The following DPYSL2 variants were observed in gnomAD, a reference collection of about 807,000 sequenced individuals.
DPYSL2 encodes dihydropyrimidinase-related protein 2.
In DPYSL2, 13 loss-of-function variants were observed where a neutral mutation model predicts 69.9. The ratio of observed to expected loss-of-function variants is 0.19; its 90% CI spans 0.12 to 0.30. The LOEUF is 0.30. Ranked by LOEUF, DPYSL2 falls within the 10% of genes least tolerant of loss-of-function variation. DPYSL2 has a pLI of 1.00. For missense variants in DPYSL2, 587 were observed against 918.9 expected (o/e 0.64, Z 4.67); for synonymous variants, 326 against 359.1 (o/e 0.91, Z 1.04).
At chr8:26,570,378 G>T (rs1306608895) in intron 1 of DPYSL2, among the ~76,000 whole-genome samples, 3 of 152,092 alleles carry the variant, frequency 2.0e-5, no homozygotes, top group African/African-American at 7.2e-5. Flanking sequence ...AAAGACAGCC[G>T]ATCACCTGTG....
rs1338365740 is a variant in DPYSL2, at chr8:26,657,472, C to T, written c.*1766C>T. On this transcript the variant is annotated 3_prime_UTR_variant, in exon 14 of 14. Coordinates refer to ENST00000521913, the MANE Select transcript of DPYSL2 (RefSeq NM_001197293.3). ...AAAAACATCACAAAGTAGGTCATTC[C>T]ATCACCACCCTTGTCTCTCTACACA... 1.3e-5 allele frequency: 2 copies of T among 152,580 alleles called. No individual in the cohort carries two copies. Among genetic ancestry groups the T allele is most frequent in the Non-Finnish European group, 2.9e-5 (2 of 68,040 alleles). The allele number at this position is 152,580 out of a possible 1,614,324, so 9.5% of individuals were successfully genotyped here.
rs1803322448 is a variant in DPYSL2 at position 26,653,569 on chromosome 8, T to C, written c.1942+172T>C. On this transcript the variant is annotated intron_variant, in intron 13 of 13. Coordinates refer to ENST00000521913, the MANE Select transcript of DPYSL2 (RefSeq NM_001197293.3). The surrounding 1 kb of genome is among the most constrained non-coding windows in gnomAD (Gnocchi z 5.7). ...TCTCTGGAGATGTATTTTCTTTTTCTTTTTTTTGAGGCAGGGTCTCGCTCT... is the reference window on the plus strand; with the variant it reads ...TCTCTGGAGATGTATTTTCTTTTTCCTTTTTTTGAGGCAGGGTCTCGCTCT... Among the ~76,000 whole-genome samples the C allele has an allele frequency of 6.6e-6, 1 of 152,014 alleles. No homozygotes were observed. Among genetic ancestry groups the C allele is most frequent in the African/African-American group, 2.4e-5 (1 of 41,400 alleles).
In DPYSL2 at chr8:26,627,302, G is replaced by A. The variant is rs757217119; in HGVS notation, c.936+7G>A. The A allele has an allele frequency of 1.3e-5, 21 of 1,614,026 alleles. No homozygotes were observed. Among genetic ancestry groups the A allele is most frequent in the Admixed American group, 1.7e-5 (1 of 60,006 alleles). On this transcript the variant is annotated splice_region_variant and intron_variant, in intron 6 of 13. Coordinates refer to ENST00000521913, the MANE Select transcript of DPYSL2 (RefSeq NM_001197293.3). This position sits in a 1 kb window ranked among gnomAD's most constrained non-coding sequence, Gnocchi z 6.9. ...TGGCGACATCATTGCAGAGGTACAG[G>A]GCTTTCTTTTTCGTCATTTCTTCAT... is the stretch of plus-strand genomic sequence containing the variant.
intron 3 of DPYSL2, among the ~76,000 whole-genome samples, chr8:26,618,944 G>A (rs1220421121): frequency 6.6e-6 from 1 of 151,952 alleles, no homozygotes; most frequent in Non-Finnish European, 1.5e-5. Flanking sequence ...GGCAACAAGA[G>A]TGAAACGCCA....
intron 1 of DPYSL2, chr8:26,577,895 A>G: frequency 2.6e-6 from 3 of 1,141,294 alleles, no homozygotes; most frequent in East Asian, 7.2e-5. Flanking sequence ...GAGGAAAGGG[A>G]GTGGCTGGCG....
At chr8:26,589,165 T>C (rs1316517633) in intron 3 of DPYSL2, among the ~76,000 whole-genome samples, 1 of 152,184 alleles carries the variant, frequency 6.6e-6, no homozygotes, top group Non-Finnish European at 1.5e-5. Context: ...AGACTTGCAT[T>C]GTCATCTCAG....
chr8:26,634,504 A>G (rs1360385080), intron 7 of DPYSL2, among the ~76,000 whole-genome samples: 1 of 135,884 alleles, frequency 7.4e-6, no homozygotes, highest in East Asian at 2.1e-4. Context: ...CTGGTCTTGA[A>G]CTCCTGATCT....
intron 1 of DPYSL2, among the ~76,000 whole-genome samples, chr8:26,553,239 T>A (rs1448130075): frequency 6.6e-6 from 1 of 152,200 alleles, no homozygotes; most frequent in Non-Finnish European, 1.5e-5. Flanking sequence ...AACTTTTATT[T>A]TAGGTTCAGG....
intron 1 of DPYSL2, among the ~76,000 whole-genome samples, chr8:26,556,144 G>C (rs900249565): frequency 0.011 from 29 of 2,574 alleles, 1 homozygote; most frequent in Admixed American, 0.015. Flanking sequence ...ACTATATATA[G>C]TATATACTAT....
rs1004793070 is a variant in DPYSL2 at position 26,560,638 on chromosome 8, G to A, written c.355-21331G>A. Among the ~76,000 whole-genome samples, 11 of 152,100 alleles carry A rather than the reference G, an allele frequency of 7.2e-5. No homozygotes were observed. Among genetic ancestry groups the A allele is most frequent in the African/African-American group, 2.7e-4 (11 of 41,418 alleles). On this transcript the variant is annotated intron_variant, in intron 1 of 13. Transcript: ENST00000521913. This position sits in a 1 kb window ranked among gnomAD's most constrained non-coding sequence, Gnocchi z 4.4. ...ATACCCAATATCTCACTTGAACCAG[G>A]TTCATCTCTATGCTTTAATAGAAGC... is the stretch of plus-strand genomic sequence containing the variant.
chr8:26,577,048 C>T, intron 1 of DPYSL2: 3 of 390,684 alleles, frequency 7.7e-6, no homozygotes, highest in South Asian at 3.4e-5. Flanking sequence ...CTAAGTTCCT[C>T]GCGGCCGGAA....
At chr8:26,552,712 G>A (rs143548548) in intron 1 of DPYSL2, among the ~76,000 whole-genome samples, 11 of 152,266 alleles carry the variant, frequency 7.2e-5, no homozygotes, top group South Asian at 2.1e-4. Flanking sequence ...TAACAGACCC[G>A]CTCTTGTGAT....
At chr8:26,607,120 G>A (rs1802123730) in intron 3 of DPYSL2, among the ~76,000 whole-genome samples, 1 of 152,198 alleles carries the variant, frequency 6.6e-6, no homozygotes, top group South Asian at 2.1e-4. Flanking sequence ...GAAATGAGCT[G>A]AATGATGAAA....
intron 1 of DPYSL2, among the ~76,000 whole-genome samples, chr8:26,563,311 A>G (rs763268499): frequency 1.5e-4 from 23 of 152,148 alleles, no homozygotes; most frequent in Non-Finnish European, 2.9e-4. Flanking sequence ...TTTCTCTTAC[A>G]TAAACTCTCT....
intron 3 of DPYSL2, among the ~76,000 whole-genome samples, chr8:26,606,466 G>T (rs1462070864): frequency 6.9e-6 from 1 of 144,518 alleles, no homozygotes; most frequent in Non-Finnish European, 1.5e-5. Context: ...ATAATAAAAG[G>T]ATAACGAAGT....
intron 1 of DPYSL2, among the ~76,000 whole-genome samples, chr8:26,549,288 T>C (rs1159399706): frequency 1.3e-5 from 2 of 151,958 alleles, no homozygotes; most frequent in East Asian, 3.9e-4. Flanking sequence ...TGCCTTTTAT[T>C]TGATTGATCA....
chr8:26,607,751 C>T (rs191161490), intron 3 of DPYSL2, among the ~76,000 whole-genome samples: 3 of 151,328 alleles, frequency 2.0e-5, no homozygotes, highest in East Asian at 1.9e-4. Flanking sequence ...GATCCTGCCA[C>T]GAACTTCACA....
intron 3 of DPYSL2, among the ~76,000 whole-genome samples, chr8:26,623,094 A>T (rs1802534738): frequency 6.6e-6 from 1 of 152,180 alleles, no homozygotes; most frequent in African/African-American, 2.4e-5. Context: ...CCATCATGTT[A>T]ACTGGGTGAG....
chr8:26,543,820 C>T (rs1361234615), intron 1 of DPYSL2, among the ~76,000 whole-genome samples: 1 of 152,128 alleles, frequency 6.6e-6, no homozygotes, highest in East Asian at 1.9e-4. Context: ...ATTGTTTGCT[C>T]AGGGTGTTCC....
Sources: gnomAD v4.1 joint callset for allele counts (sites outside exome capture counted in the v4.1 genomes callset) on GRCh38, gnomAD v4.1.1 for gene constraint, Gnocchi (gnomAD v3.1) non-coding constraint, MANE v1.5 for transcripts, NCBI Gene and HGNC (gene_info 2026-07-23, HGNC 2026-07-21) for gene names.